The following SLC17A1 variants were observed in gnomAD, a reference collection of about 807,000 sequenced individuals.
SLC17A1 encodes sodium-dependent phosphate transport protein 1.
In SLC17A1, 51 loss-of-function variants were observed where a neutral mutation model predicts 53.5. That is an observed-to-expected ratio of 0.95 (90% CI 0.76 to 1.20). The LOEUF is 1.20. SLC17A1 is among the 50% of genes most tolerant of loss of function. The pLI, the probability that SLC17A1 is intolerant of heterozygous loss-of-function variation, is 0.00. For synonymous variants in SLC17A1, 179 were observed against 198.8 expected (o/e 0.90, Z 0.84); for missense variants, 538 against 568.2 (o/e 0.95, Z 0.54).
chr6:25,762,633 G>GTTGTTT, the SLC17A1 span, among the ~76,000 whole-genome samples: 1 of 152,004 alleles, frequency 6.6e-6, no homozygotes, highest in African/African-American at 2.4e-5. Context: ...ACTTCAAAAG[G>GTTGTTT]CAAAACCCTA....
chr6:25,812,760 G>A, intron 8 of SLC17A1, 71 bp downstream of exon 8: 2 of 1,163,164 alleles, frequency 1.7e-6, no homozygotes, highest in South Asian at 1.6e-5. Context: ...TGCGACTAGG[G>A]TCGTTAGAGA....
At chr6:25,792,496 T>C (rs935846143) in intron 12 of SLC17A1, among the ~76,000 whole-genome samples, 2 of 152,172 alleles carry the variant, frequency 1.3e-5, no homozygotes, top group African/African-American at 4.8e-5. Flanking sequence ...TTCTAGCCTG[T>C]TTTAACAACT....
intron 10 of SLC17A1, among the ~76,000 whole-genome samples, chr6:25,804,032 G>A (rs577526893): frequency 3.3e-5 from 5 of 151,992 alleles, no homozygotes. Context: ...TTTCACATAC[G>A]TATATGACAG....
chr6:25,776,782 G>C, the SLC17A1 span: 1 of 1,613,962 alleles, frequency 6.2e-7, no homozygotes, highest in Non-Finnish European at 8.5e-7. Flanking sequence ...GCAGCCTTCA[G>C]TTTACTCTGT....
the SLC17A1 span, among the ~76,000 whole-genome samples, chr6:25,745,380 A>T: frequency 6.6e-6 from 1 of 152,158 alleles, no homozygotes; most frequent in Non-Finnish European, 1.5e-5. Context: ...GTACGTATTC[A>T]CTTTTCTCTT....
intron 12 of SLC17A1, among the ~76,000 whole-genome samples, chr6:25,789,611 C>G (rs1763458166): frequency 6.6e-6 from 1 of 152,008 alleles, no homozygotes; most frequent in Admixed American, 6.5e-5. Context: ...CTGAGAAGAA[C>G]ACAGGGACAT....
the SLC17A1 span, chr6:25,773,636 A>G: frequency 8.1e-6 from 13 of 1,613,718 alleles, no homozygotes; most frequent in African/African-American, 1.3e-5. Flanking sequence ...GTACACACCA[A>G]CGTACATCAG....
chr6:25,771,219 C>T, the SLC17A1 span, among the ~76,000 whole-genome samples: 1 of 152,124 alleles, frequency 6.6e-6, no homozygotes, highest in Admixed American at 6.5e-5. Flanking sequence ...CATAACATTC[C>T]TTACTGCTTC....
intron 6 of SLC17A1, among the ~76,000 whole-genome samples, chr6:25,817,818 C>T (rs951254872): frequency 6.6e-6 from 1 of 152,212 alleles, no homozygotes; most frequent in Non-Finnish European, 1.5e-5. Flanking sequence ...GGTATGTTCT[C>T]TCAAGTTTTC....
intron 10 of SLC17A1, among the ~76,000 whole-genome samples, chr6:25,808,568 T>C (rs976952735): frequency 4.0e-5 from 6 of 151,622 alleles, no homozygotes; most frequent in African/African-American, 4.8e-5. Context: ...AAAATATAAA[T>C]AACCACATTA....
intron 10 of SLC17A1, among the ~76,000 whole-genome samples, chr6:25,801,263 T>C (rs965237024): frequency 4.6e-5 from 7 of 152,220 alleles, no homozygotes; most frequent in African/African-American, 1.4e-4. Flanking sequence ...GTAAGTTCCA[T>C]TGAGAAATTC....
At chr6:25,813,465 C>T (rs1208159959) in intron 6 of SLC17A1, among the ~76,000 whole-genome samples, 1 of 152,218 alleles carries the variant, frequency 6.6e-6, no homozygotes, top group Non-Finnish European at 1.5e-5. Flanking sequence ...AGCTGGACCT[C>T]CCTGCCCTCA....
intron 11 of SLC17A1, among the ~76,000 whole-genome samples, chr6:25,800,455 G>A (rs576348230): frequency 1.3e-5 from 2 of 152,130 alleles, no homozygotes; most frequent in Non-Finnish European, 1.5e-5. Flanking sequence ...AAGATTTCAG[G>A]TAACTTTGTC....
chr6:25,729,080 C>T, the SLC17A1 span, among the ~76,000 whole-genome samples: 3 of 152,156 alleles, frequency 2.0e-5, no homozygotes, highest in African/African-American at 7.2e-5. Context: ...AATAACCTGT[C>T]GACTTTGTGA....
chr6:25,788,441 C>G (rs1763430122), intron 12 of SLC17A1, among the ~76,000 whole-genome samples: 1 of 152,146 alleles, frequency 6.6e-6, no homozygotes, highest in South Asian at 2.1e-4. Flanking sequence ...GATGCTCCAG[C>G]AGGACACGGT....
chr6:25,831,608 A>G (rs1212589863), intron 1 of SLC17A1, among the ~76,000 whole-genome samples: 1 of 152,052 alleles, frequency 6.6e-6, no homozygotes, highest in Non-Finnish European at 1.5e-5. Context: ...ACGTTACAAT[A>G]CTGCATCCTC....
the SLC17A1 span, among the ~76,000 whole-genome samples, chr6:25,762,482 A>T: frequency 1.3e-5 from 2 of 152,144 alleles, no homozygotes; most frequent in African/African-American, 4.8e-5. Context: ...CCTTTCTCTT[A>T]TCTATATTAC....
the SLC17A1 span, among the ~76,000 whole-genome samples, chr6:25,767,002 A>C: frequency 6.6e-6 from 1 of 152,196 alleles, no homozygotes; most frequent in Non-Finnish European, 1.5e-5. Flanking sequence ...CAGGTTTATT[A>C]ATTGCAACAA....
At chr6:25,732,242 C>T in the SLC17A1 span, among the ~76,000 whole-genome samples, 1 of 152,136 alleles carries the variant, frequency 6.6e-6, no homozygotes, top group African/African-American at 2.4e-5. Context: ...GCATGGCCCT[C>T]AACCTACGTC....
Sources: allele counts gnomAD v4.1 joint callset (sites outside exome capture counted in the v4.1 genomes callset), GRCh38; gene constraint gnomAD v4.1.1; transcripts MANE v1.5; gene names NCBI Gene and HGNC (gene_info 2026-07-23, HGNC 2026-07-21).